CCBE1: variants seen among roughly 807,000 people sequenced by gnomAD.
CCBE1 encodes collagen and calcium-binding EGF domain-containing protein 1.
Under a neutral mutation model 50.0 loss-of-function variants are expected in CCBE1, and 37 were observed. The ratio of observed to expected loss-of-function variants is 0.74; its 90% CI spans 0.57 to 0.97. The LOEUF is 0.97. CCBE1 is among the 50% of genes least tolerant of loss of function. The pLI, the probability that CCBE1 is intolerant of heterozygous loss-of-function variation, is 0.00. For missense variants in CCBE1, 538 were observed against 523.8 expected (o/e 1.03, Z -0.26); for synonymous variants, 234 against 203.7 (o/e 1.15, Z -1.27).
intron 2 of CCBE1, among the ~76,000 whole-genome samples, chr18:59,605,359 T>G (rs955420785): frequency 2.0e-5 from 3 of 152,160 alleles, no homozygotes; most frequent in African/African-American, 7.2e-5. Context: ...TTTATCCTTA[T>G]AGAGAACAGG....
intron 2 of CCBE1, among the ~76,000 whole-genome samples, chr18:59,664,019 CTT>C (rs1468404540): frequency 6.6e-6 from 1 of 152,100 alleles, no homozygotes. Context: ...AACTGGGTAA[CTT>C]ATAAGGAACA....
intron 2 of CCBE1, among the ~76,000 whole-genome samples, chr18:59,563,471 A>G (rs944810073): frequency 1.1e-4 from 16 of 152,236 alleles, no homozygotes; most frequent in African/African-American, 3.6e-4. Context: ...TCTGTGAATC[A>G]GGAAGATAAC....
chr18:59,678,173 G>T (rs868759683), intron 2 of CCBE1, among the ~76,000 whole-genome samples: 1 of 152,146 alleles, frequency 6.6e-6, no homozygotes, highest in Non-Finnish European at 1.5e-5. Flanking sequence ...AAGGAGGGGG[G>T]AGGACTCAAA....
At chr18:59,541,014 A>C (rs1188482569) in intron 2 of CCBE1, among the ~76,000 whole-genome samples, 3 of 152,222 alleles carry the variant, frequency 2.0e-5, no homozygotes, top group Non-Finnish European at 2.9e-5. Flanking sequence ...TCTTTCCTTC[A>C]TTCCTTCTCA....
intron 2 of CCBE1, among the ~76,000 whole-genome samples, chr18:59,594,246 G>A (rs969020117): frequency 2.6e-5 from 4 of 152,170 alleles, no homozygotes; most frequent in Non-Finnish European, 2.9e-5. Context: ...AAATGAATCC[G>A]CTACAGATGG....
intron 2 of CCBE1, among the ~76,000 whole-genome samples, chr18:59,590,549 G>A (rs749753068): frequency 3.3e-5 from 5 of 152,092 alleles, no homozygotes; most frequent in Non-Finnish European, 7.4e-5. Context: ...AACTGAACAT[G>A]CAAGAATAGT....
At chr18:59,452,206 C>T (rs896548675) in intron 6 of CCBE1, among the ~76,000 whole-genome samples, 6 of 152,170 alleles carry the variant, frequency 3.9e-5, no homozygotes, top group African/African-American at 1.4e-4. Context: ...TCTAGGACTG[C>T]TAGCATCTCC....
In CCBE1 at chr18:59,613,165, C is replaced by T. The variant is rs972697262; in HGVS notation, c.212+83464G>A. On this transcript the variant is annotated intron_variant, in intron 2 of 10. Transcript: ENST00000439986. ...AGCATGCTCTACACCTGTGTATCTACACCAGCTGCAGGGCATGGATGGGGT... is the reference window on the plus strand; with the variant it reads ...AGCATGCTCTACACCTGTGTATCTATACCAGCTGCAGGGCATGGATGGGGT... 4.6e-5 allele frequency among the ~76,000 whole-genome samples: 7 copies of T among 152,174 alleles called. No homozygotes were observed. The East Asian group carries it at 7.7e-4, about 17-fold the overall frequency.
At chr18:59,449,527 C>T (rs563334244) in intron 6 of CCBE1, among the ~76,000 whole-genome samples, 92 of 151,098 alleles carry the variant, frequency 6.1e-4, no homozygotes, top group Non-Finnish European at 9.1e-4. Flanking sequence ...GAGGCTAAGG[C>T]AGGAGAACTG....
At chr18:59,487,647 A>T (rs542704986) in intron 2 of CCBE1, among the ~76,000 whole-genome samples, 1 of 152,312 alleles carries the variant, frequency 6.6e-6, no homozygotes, top group South Asian at 2.1e-4. Flanking sequence ...AAACCTGCCT[A>T]TTTGTTCATC....
intron 2 of CCBE1, among the ~76,000 whole-genome samples, chr18:59,684,525 A>G (rs955131307): frequency 6.6e-6 from 1 of 152,238 alleles, no homozygotes; most frequent in Non-Finnish European, 1.5e-5. Context: ...TCTGAAATGT[A>G]TTAAACTCAG....
rs145407400 is a variant in CCBE1 at position 59,667,386 on chromosome 18, G to A, written c.212+29243C>T. On this transcript the variant is annotated intron_variant, in intron 2 of 10. Coordinates refer to ENST00000439986, the MANE Select transcript of CCBE1 (RefSeq NM_133459.4). ...TATTTCTCCAGGGCCAAGGAGGAAG[G>A]TTTTGTGATGGAGCTGTTTACAAAG... 2.1e-3 allele frequency among the ~76,000 whole-genome samples: 323 copies of A among 152,314 alleles called. 2 individuals carry two copies. The highest frequency in any genetic ancestry group is 3.5e-3 in the Admixed American group (53 of 15,300).
At chr18:59,657,590 G>A (rs558623460) in intron 2 of CCBE1, among the ~76,000 whole-genome samples, 2 of 152,222 alleles carry the variant, frequency 1.3e-5, no homozygotes, top group Non-Finnish European at 2.9e-5. Context: ...AAACTCTGAT[G>A]AAGGGAAAAA....
At chr18:59,623,458 T>A (rs1568239426) in intron 2 of CCBE1, among the ~76,000 whole-genome samples, 1 of 152,200 alleles carries the variant, frequency 6.6e-6, no homozygotes, top group Non-Finnish European at 1.5e-5. Context: ...AACCAGCTTC[T>A]TTTCGAACCC....
At chr18:59,488,882 A>T (rs1221383831) in intron 2 of CCBE1, among the ~76,000 whole-genome samples, 5 of 152,052 alleles carry the variant, frequency 3.3e-5, no homozygotes, top group African/African-American at 1.2e-4. Context: ...TGTCTCCCCC[A>T]CCGAGCCCAC....
intron 2 of CCBE1, among the ~76,000 whole-genome samples, chr18:59,507,620 GT>G (rs1913936039): frequency 6.6e-6 from 1 of 152,132 alleles, no homozygotes; most frequent in African/African-American, 2.4e-5. Flanking sequence ...TTCCTTTGCT[GT>G]CCCCATCCTC....
rs138138915 is a variant in CCBE1 at position 59,462,985 on chromosome 18, T to C, written c.553+3754A>G. Reference sequence around the variant, plus strand: ...CTACTGCTCAGGTATTTTTACTGAATTCTTAGCCACAGAGGTCACACTGGT... The same window carrying C: ...CTACTGCTCAGGTATTTTTACTGAACTCTTAGCCACAGAGGTCACACTGGT... On this transcript the variant is annotated intron_variant, in intron 5 of 10. Coordinates refer to ENST00000439986, the MANE Select transcript of CCBE1 (RefSeq NM_133459.4). 7.8e-3 allele frequency among the ~76,000 whole-genome samples: 1,196 copies of C among 152,372 alleles called. 15 individuals carry two copies. The highest frequency in any genetic ancestry group is 0.027 in the African/African-American group (1,134 of 41,588).
At chr18:59,663,176 A>T (rs1306405684) in intron 2 of CCBE1, among the ~76,000 whole-genome samples, 2 of 152,226 alleles carry the variant, frequency 1.3e-5, no homozygotes, top group African/African-American at 2.4e-5. Flanking sequence ...TGAGAGAAGA[A>T]GATCCTAATG....
At chr18:59,668,608 A>G (rs2054388998) in intron 2 of CCBE1, among the ~76,000 whole-genome samples, 1 of 151,978 alleles carries the variant, frequency 6.6e-6, no homozygotes, top group Non-Finnish European at 1.5e-5. Flanking sequence ...ATCATTGCAC[A>G]TTTAGGTTTT....
Sources: gnomAD v4.1 joint callset for allele counts (sites outside exome capture counted in the v4.1 genomes callset) on GRCh38, gnomAD v4.1.1 for gene constraint, MANE v1.5 for transcripts, NCBI Gene and HGNC (gene_info 2026-07-23, HGNC 2026-07-21) for gene names.